Variants in ALPK2 observed in about 807,000 individuals in gnomAD.
ALPK2 encodes the protein alpha kinase 2.
ALPK2 carries 127 observed loss-of-function variants against 163.1 expected under a neutral mutation model. The observed-to-expected ratio is 0.78, with a 90% CI of 0.67 to 0.90. ALPK2 has a LOEUF of 0.90. Among genes scored for constraint, ALPK2 ranks in the 40% least tolerant of loss-of-function variants. The pLI, the probability that ALPK2 is intolerant of heterozygous loss-of-function variation, is 0.00. For synonymous variants in ALPK2, 953 were observed against 959.1 expected (o/e 0.99, Z 0.12); for missense variants, 2,360 against 2,589.6 (o/e 0.91, Z 1.92).
Position 58,498,109 on chromosome 18 carries a change from GA to G in ALPK2, c.6248-13del. The G allele has an allele frequency of 6.2e-7, 1 of 1,614,006 alleles. No individual in the cohort carries two copies. Among genetic ancestry groups the G allele is most frequent in the Non-Finnish European group, 8.5e-7 (1 of 1,179,922 alleles). ...CTTCATTCCTACACCTACAGGAAGA[GA>G]AAGCAAAGATGGGAGTTTGTGTTAC... On this transcript the variant is annotated splice_polypyrimidine_tract_variant and intron_variant, in intron 11 of 12. Coordinates refer to ENST00000361673, the MANE Select transcript of ALPK2 (RefSeq NM_052947.4).
chr18:58,598,383 G>C (rs1229924283), intron 3 of ALPK2, among the ~76,000 whole-genome samples: 1 of 152,234 alleles, frequency 6.6e-6, no homozygotes, highest in Non-Finnish European at 1.5e-5. Flanking sequence ...CCAGGTGATG[G>C]AGCCTGGAGG....
At position 58,498,041 on chromosome 18, in the gene ALPK2, C is replaced by T; in HGVS notation, c.6296+8G>A. 6.2e-7 allele frequency: 1 copy of T among 1,613,320 alleles called. No homozygotes were observed. Among genetic ancestry groups the T allele is most frequent in the Non-Finnish European group, 8.5e-7 (1 of 1,179,548 alleles). On this transcript the variant is annotated splice_region_variant and intron_variant, in intron 12 of 12. Coordinates refer to ENST00000361673, the MANE Select transcript of ALPK2 (RefSeq NM_052947.4). Reference sequence around the variant, plus strand: ...TAATTGATGCACACTCCATTTTTTCCTACTCACCCTTTAGCCAGCGTTGCT... The same window carrying T: ...TAATTGATGCACACTCCATTTTTTCTTACTCACCCTTTAGCCAGCGTTGCT...
intron 3 of ALPK2, among the ~76,000 whole-genome samples, chr18:58,604,422 G>A (rs1368064830): frequency 6.6e-6 from 1 of 152,160 alleles, no homozygotes; most frequent in Non-Finnish European, 1.5e-5. Flanking sequence ...TGCTTAGGAC[G>A]TAGAGCGTGT....
intron 12 of ALPK2, among the ~76,000 whole-genome samples, chr18:58,494,568 A>AT (rs201019466): frequency 0.012 from 1,771 of 149,310 alleles, 15 homozygotes; most frequent in Middle Eastern, 0.028. Context: ...ACATATGGGA[A>AT]TTTTTTTTTT....
rs2051945907 is a variant in ALPK2 at position 58,579,741 on chromosome 18, T to C, written c.1035A>G (p.Gln345=). ...VMTDYSNAVW[Q]RNLLGTEHVF... is the part of the protein sequence containing the mutation. ...CATGCTCAGTCCCCAGCAGGTTCCT[T>C]TGCCAAACTGCATTAGAGTAATCCG... The change falls in exon 4 of 13, where the codon CAA becomes CAG. Residue 345 remains glutamine, a synonymous_variant. Coordinates refer to ENST00000361673, the MANE Select transcript of ALPK2 (RefSeq NM_052947.4). The C allele has an allele frequency of 5.0e-6, 8 of 1,614,202 alleles. No individual in the cohort carries two copies. The highest frequency in any genetic ancestry group is 6.8e-6 in the Non-Finnish European group (8 of 1,180,026).
chr18:58,551,293 T>C (rs1317299695), intron 4 of ALPK2, among the ~76,000 whole-genome samples: 2 of 152,196 alleles, frequency 1.3e-5, no homozygotes, highest in Non-Finnish European at 2.9e-5. Flanking sequence ...TGCACTCCTC[T>C]GGAGGTCCTC....
chr18:58,605,636 C>G (rs748446606), intron 3 of ALPK2, among the ~76,000 whole-genome samples: 6 of 152,184 alleles, frequency 3.9e-5, no homozygotes, highest in Admixed American at 6.5e-5. Context: ...GCTAGACAAA[C>G]CCATGGGTAA....
intron 1 of ALPK2, among the ~76,000 whole-genome samples, chr18:58,620,982 C>T (rs918389990): frequency 6.6e-6 from 1 of 151,848 alleles, no homozygotes; most frequent in Non-Finnish European, 1.5e-5. Context: ...ATGCTGAAAC[C>T]CCATCTCTAC....
intron 10 of ALPK2, 63 bp from the exon 11 acceptor site, chr18:58,504,211 C>T (rs1489689087): frequency 1.5e-6 from 2 of 1,371,152 alleles, no homozygotes; most frequent in African/African-American, 2.9e-5. Context: ...GCTCCTGCGG[C>T]ATTCTACTCT....
chr18:58,580,636 C>T, intron 3 of ALPK2, 88 bp from the exon 4 acceptor site: 1 of 1,178,170 alleles, frequency 8.5e-7, no homozygotes, highest in Admixed American at 2.1e-5. Context: ...AGAAAATGAC[C>T]ATCATTTTAC....
intron 4 of ALPK2, chr18:58,543,477 A>G: frequency 1.2e-6 from 1 of 831,586 alleles, no homozygotes; most frequent in South Asian, 5.5e-5. Flanking sequence ...TCTGGGTTCC[A>G]AAGAGAGAGG....
chr18:58,542,699 C>T (rs2051695949), intron 4 of ALPK2, among the ~76,000 whole-genome samples: 1 of 152,154 alleles, frequency 6.6e-6, no homozygotes, highest in South Asian at 2.1e-4. Context: ...CACCAGATAG[C>T]ACAGAAGTTC....
At chr18:58,597,348 G>A (rs1298714445) in intron 3 of ALPK2, among the ~76,000 whole-genome samples, 1 of 152,152 alleles carries the variant, frequency 6.6e-6, no homozygotes, top group Non-Finnish European at 1.5e-5. Flanking sequence ...AGATCTCAGG[G>A]CAGAAAGAAT....
intron 5 of ALPK2, among the ~76,000 whole-genome samples, chr18:58,532,357 G>A (rs1415000739): frequency 6.6e-6 from 1 of 152,186 alleles, no homozygotes; most frequent in Non-Finnish European, 1.5e-5. Flanking sequence ...GGCCGCCAGT[G>A]GCAACTCCTC....
chr18:58,552,965 G>T (rs8087609), intron 4 of ALPK2, among the ~76,000 whole-genome samples: 132,752 of 152,196 alleles, frequency 0.87, 58,391 homozygotes, highest in East Asian at 1. Flanking sequence ...CAGTGGGCCC[G>T]AATCCAGTGA....
chr18:58,523,918 T>G lies in ALPK2; in HGVS notation c.5629+17A>C, dbSNP rs1478559662. On this transcript the variant is annotated intron_variant, in intron 7 of 12. Coordinates refer to ENST00000361673, the MANE Select transcript of ALPK2 (RefSeq NM_052947.4). ...CGGGCAGGGGCCAGTGGTTTTTCAT[T>G]GAAAACTGTGGTTTACCTTCAGCTG... 1 of 1,613,876 alleles carries G rather than the reference T, an allele frequency of 6.2e-7. No homozygotes were observed. Among genetic ancestry groups the G allele is most frequent in the East Asian group, 2.2e-5 (1 of 44,898 alleles).
At chr18:58,518,877 T>C (rs1335825394) in intron 8 of ALPK2, among the ~76,000 whole-genome samples, 4 of 152,210 alleles carry the variant, frequency 2.6e-5, no homozygotes, top group Non-Finnish European at 2.9e-5. Context: ...CTGTATAAGC[T>C]GGAATTCAAA....
chr18:58,547,667 GA>G (rs2051724889), intron 4 of ALPK2, among the ~76,000 whole-genome samples: 1 of 152,220 alleles, frequency 6.6e-6, no homozygotes, highest in African/African-American at 2.4e-5. Context: ...GAAGAGCCAA[GA>G]AAAGTTATGG....
chr18:58,593,573 A>T, intron 3 of ALPK2, among the ~76,000 whole-genome samples: 1 of 148,130 alleles, frequency 6.8e-6, no homozygotes, highest in Admixed American at 6.7e-5. Flanking sequence ...CAAAAAAAAA[A>T]AAAAAAAAAA....
Sources: allele counts gnomAD v4.1 joint callset (sites outside exome capture counted in the v4.1 genomes callset), GRCh38; gene constraint gnomAD v4.1.1; transcripts MANE v1.5; gene names NCBI Gene and HGNC (gene_info 2026-07-23, HGNC 2026-07-21).